The following SORCS3 variants were observed in gnomAD, a reference collection of about 807,000 sequenced individuals.
The protein encoded by SORCS3 is sortilin related VPS10 domain containing receptor 3.
Under a neutral mutation model 146.3 loss-of-function variants are expected in SORCS3, and 57 were observed. That is an observed-to-expected ratio of 0.39 (90% confidence interval 0.31 to 0.49). The LOEUF (loss-of-function observed/expected upper bound fraction) is 0.49, where lower values mean the gene tolerates loss of function less well. Ranked by LOEUF, SORCS3 falls within the 20% of genes least tolerant of loss-of-function variation. SORCS3 has a pLI of 0.92. For synonymous variants in SORCS3, 653 were observed against 618.5 expected (o/e 1.06, Z -0.83); for missense variants, 1,341 against 1,575.5 (o/e 0.85, Z 2.52).
chr10:105,010,648 C>A (rs1329676172), intron 4 of SORCS3, among the ~76,000 whole-genome samples: 2 of 151,988 alleles, frequency 1.3e-5, no homozygotes, highest in African/African-American at 2.4e-5. Flanking sequence ...CAGACACACA[C>A]TTTAATTAAA....
At chr10:105,035,147 GT>G (rs2133698829) in intron 4 of SORCS3, among the ~76,000 whole-genome samples, 1 of 152,328 alleles carries the variant, frequency 6.6e-6, no homozygotes, top group East Asian at 1.9e-4. Flanking sequence ...TAAAAAGGGA[GT>G]ATGATAGACA....
chr10:105,223,293 T>A lies in SORCS3; in HGVS notation c.2868+44T>A, dbSNP rs781086739. The A allele has an allele frequency of 3.9e-6, 6 of 1,540,468 alleles. No individual in the cohort carries two copies. In the Admixed American group the frequency reaches 9.3e-5, roughly 24 times the overall value. On this transcript the variant is annotated intron_variant, in intron 20 of 26. Coordinates refer to ENST00000369701, the MANE Select transcript of SORCS3 (RefSeq NM_014978.3). ...GATGTCAAATTAGATCTGTACTGAA[T>A]GCTCCTATGTTCCAGCTTTTATGTG...
intron 3 of SORCS3, among the ~76,000 whole-genome samples, chr10:104,971,251 G>A (rs1398667799): frequency 6.6e-6 from 1 of 152,200 alleles, no homozygotes; most frequent in African/African-American, 2.4e-5. Context: ...ACATGGATTG[G>A]AAGGGACAAG....
At chr10:105,039,656 C>A (rs1330739271) in intron 4 of SORCS3, among the ~76,000 whole-genome samples, 2 of 151,874 alleles carry the variant, frequency 1.3e-5, no homozygotes, top group Admixed American at 1.3e-4. Flanking sequence ...GGGGTTTCAC[C>A]ACGTTGGCCA....
At chr10:105,164,965 C>T (rs189768217) in intron 12 of SORCS3, among the ~76,000 whole-genome samples, 15 of 152,212 alleles carry the variant, frequency 9.9e-5, no homozygotes, top group Admixed American at 2.6e-4. Flanking sequence ...GAATGTTCAG[C>T]GATGATGGAA....
At chr10:104,792,841 C>T (rs1263290161) in intron 1 of SORCS3, among the ~76,000 whole-genome samples, 3 of 152,018 alleles carry the variant, frequency 2.0e-5, no homozygotes, top group Admixed American at 6.6e-5. Flanking sequence ...GAGTCTCATT[C>T]TTCCTCCCCA....
chr10:105,227,973 A>G (rs979311566), intron 20 of SORCS3, among the ~76,000 whole-genome samples: 1 of 142,272 alleles, frequency 7.0e-6, no homozygotes, highest in Non-Finnish European at 1.5e-5. Flanking sequence ...TAGGCAGCAT[A>G]TTGTGGTCAT....
At chr10:104,883,722 G>T (rs1374678681) in intron 2 of SORCS3, among the ~76,000 whole-genome samples, 1 of 152,138 alleles carries the variant, frequency 6.6e-6, no homozygotes. Context: ...GGAGACAGGG[G>T]TCTTTTCATT....
intron 5 of SORCS3, among the ~76,000 whole-genome samples, chr10:105,061,760 G>T (rs189278912): frequency 2.3e-4 from 35 of 152,224 alleles, no homozygotes; most frequent in Non-Finnish European, 4.1e-4. Flanking sequence ...GGCTGCCTGT[G>T]ATACAGGTGC....
At chr10:104,761,995 C>A (rs182779733) in intron 1 of SORCS3, among the ~76,000 whole-genome samples, 2 of 152,146 alleles carry the variant, frequency 1.3e-5, no homozygotes, top group African/African-American at 4.8e-5. Context: ...TCTAAACTTC[C>A]GAAACCAAAT....
chr10:104,738,816 C>T (rs1229965999), intron 1 of SORCS3, among the ~76,000 whole-genome samples: 5 of 152,192 alleles, frequency 3.3e-5, no homozygotes, highest in Non-Finnish European at 5.9e-5. Context: ...CTTCCCAGTA[C>T]TCAAGGTCTG....
chr10:104,669,356 C>T (rs1303126671), intron 1 of SORCS3, among the ~76,000 whole-genome samples: 1 of 152,180 alleles, frequency 6.6e-6, no homozygotes, highest in Non-Finnish European at 1.5e-5. Context: ...GAACGCTTTT[C>T]ATCTTGCAAA....
At chr10:104,873,243 G>A (rs2018537378) in intron 2 of SORCS3, among the ~76,000 whole-genome samples, 1 of 152,180 alleles carries the variant, frequency 6.6e-6, no homozygotes, top group African/African-American at 2.4e-5. Context: ...CTTCATCCAG[G>A]ACCCATTTTT....
At chr10:104,732,879 A>G (rs2016724115) in intron 1 of SORCS3, among the ~76,000 whole-genome samples, 1 of 151,994 alleles carries the variant, frequency 6.6e-6, no homozygotes, top group African/African-American at 2.4e-5. Context: ...GGGTAGCTGG[A>G]CCCATGTAGG....
chr10:105,033,608 A>G (rs1283459450), intron 4 of SORCS3, among the ~76,000 whole-genome samples: 9 of 152,184 alleles, frequency 5.9e-5, no homozygotes, highest in Non-Finnish European at 8.8e-5. Context: ...TAAGTGAATG[A>G]ATGAGTAGGT....
chr10:104,914,510 G>A (rs2019004760), intron 2 of SORCS3, among the ~76,000 whole-genome samples: 1 of 152,138 alleles, frequency 6.6e-6, no homozygotes, highest in South Asian at 2.1e-4. Flanking sequence ...ATCACATTGG[G>A]AAGGAGGCTG....
At chr10:104,645,200 C>G (rs938861847) in intron 1 of SORCS3, among the ~76,000 whole-genome samples, 1 of 152,150 alleles carries the variant, frequency 6.6e-6, no homozygotes, top group African/African-American at 2.4e-5. Context: ...TCTGGAGGAG[C>G]GATTTGCTAT....
intron 1 of SORCS3, among the ~76,000 whole-genome samples, chr10:104,684,737 A>G (rs1237078823): frequency 1.4e-5 from 2 of 146,436 alleles, no homozygotes; most frequent in African/African-American, 5.1e-5. Context: ...GCTACTAAAT[A>G]TAAAGAACAT....
chr10:105,219,788 A>G (rs2056688198), intron 19 of SORCS3, among the ~76,000 whole-genome samples: 1 of 152,210 alleles, frequency 6.6e-6, no homozygotes. Context: ...TGCCTCACCC[A>G]CATTTCTGAT....
Sources: allele counts gnomAD v4.1 joint callset (sites outside exome capture counted in the v4.1 genomes callset), GRCh38; gene constraint gnomAD v4.1.1; transcripts MANE v1.5; gene names NCBI Gene and HGNC (gene_info 2026-07-23, HGNC 2026-07-21).